Variants in FEZ1 observed in about 807,000 individuals in gnomAD.
The protein encoded by FEZ1 is fasciculation and elongation protein zeta 1, also known as fasciculation and elongation protein zeta-1.
In FEZ1, 20 loss-of-function variants were observed where a neutral mutation model predicts 49.3. The observed-to-expected ratio is 0.41, with a 90% CI of 0.29 to 0.59. The LOEUF is 0.59. Ranked by LOEUF, FEZ1 falls within the 20% of genes least tolerant of loss-of-function variation. FEZ1 has a pLI of 0.36. For missense variants in FEZ1, 413 were observed against 476.0 expected (o/e 0.87, Z 1.23); for synonymous variants, 170 against 180.9 (o/e 0.94, Z 0.48).
intron 5 of FEZ1, among the ~76,000 whole-genome samples, chr11:125,458,220 AC>A (rs1476744426): frequency 6.6e-6 from 1 of 151,978 alleles, no homozygotes; most frequent in Non-Finnish European, 1.5e-5. Flanking sequence ...TGACCTTTGA[AC>A]CCTGACCAAC....
Position 125,458,349 on chromosome 11 carries a change from G to A in FEZ1, c.667+2149C>T, listed in dbSNP as rs1033467399. Reference sequence around the variant, plus strand: ...TACCCTACGGCTGGTGAATTGTTCTGCCTTTGCTGTGTTACACTTTTTCAT... The same window carrying A: ...TACCCTACGGCTGGTGAATTGTTCTACCTTTGCTGTGTTACACTTTTTCAT... On this transcript the variant is annotated intron_variant, in intron 5 of 9. Coordinates refer to ENST00000278919, the MANE Select transcript of FEZ1 (RefSeq NM_005103.5). Among the ~76,000 whole-genome samples the A allele has an allele frequency of 2.1e-4, 32 of 152,166 alleles. 1 individual carries two copies. Among genetic ancestry groups the A allele is most frequent in the African/African-American group, 7.7e-4 (32 of 41,428 alleles).
intron 5 of FEZ1, among the ~76,000 whole-genome samples, chr11:125,459,126 C>G (rs996841386): frequency 7.2e-5 from 11 of 152,022 alleles, no homozygotes; most frequent in African/African-American, 2.7e-4. Flanking sequence ...TTGTTCTGAG[C>G]AGAGGGGCCT....
intron 3 of FEZ1, among the ~76,000 whole-genome samples, chr11:125,477,312 T>C (rs1022503309): frequency 2.8e-5 from 4 of 144,068 alleles, no homozygotes; most frequent in African/African-American, 1.0e-4. Flanking sequence ...CTGGCCAATA[T>C]GCAAAACCCT....
chr11:125,477,856 C>CAAAAAAAAAAAAAAA (rs11413508), intron 3 of FEZ1, among the ~76,000 whole-genome samples: 21 of 141,430 alleles, frequency 1.5e-4, no homozygotes, highest in African/African-American at 5.4e-4. Context: ...GAGCTTTATG[C>CAAAAAAAAAAAAAAA]AAAAAAAAAA....
chr11:125,484,477 A>G (rs1957309804), intron 2 of FEZ1, among the ~76,000 whole-genome samples: 1 of 152,208 alleles, frequency 6.6e-6, no homozygotes. Flanking sequence ...GTTCCTAATC[A>G]TAACCTAGGA....
intron 3 of FEZ1, among the ~76,000 whole-genome samples, chr11:125,481,222 T>C: frequency 6.6e-6 from 1 of 152,050 alleles, no homozygotes. Context: ...CAATAATTTT[T>C]TTTTTAATTG....
chr11:125,457,414 AAAAAAAAAAAAAAAAAT>A (rs1433120116), intron 5 of FEZ1, among the ~76,000 whole-genome samples: 2 of 39,818 alleles, frequency 5.0e-5, no homozygotes, highest in Non-Finnish European at 9.4e-5. Context: ...AAAAAAAAAA[AAAAAAAAAAAAAAAAAT>A]ATATATATAT....
In FEZ1 at chr11:125,466,512, G is replaced by A. The variant is rs78737922; in HGVS notation, c.412-2942C>T. Among the ~76,000 whole-genome samples the A allele has an allele frequency of 2.6e-5, 4 of 152,064 alleles. No homozygotes were observed. The East Asian group carries it at 7.7e-4, about 29-fold the overall frequency. On this transcript the variant is annotated intron_variant, in intron 3 of 9. Coordinates refer to ENST00000278919, the MANE Select transcript of FEZ1 (RefSeq NM_005103.5). ...TAAAAAAAAAAACACCTTGCTAGCT[G>A]TTTGGATACTATTGACGTGAACTAT... is the stretch of plus-strand genomic sequence containing the variant.
chr11:125,490,355 C>T (rs906713376), intron 1 of FEZ1, among the ~76,000 whole-genome samples: 15 of 152,002 alleles, frequency 9.9e-5, no homozygotes, highest in African/African-American at 2.7e-4. Context: ...TTAATTTATC[C>T]CATTTTGTGT....
At chr11:125,483,259 A>G (rs1354363579) in intron 2 of FEZ1, among the ~76,000 whole-genome samples, 1 of 152,204 alleles carries the variant, frequency 6.6e-6, no homozygotes, top group Non-Finnish European at 1.5e-5. Flanking sequence ...GGGTTTTAAA[A>G]GCAAAAAGAC....
intron 5 of FEZ1, among the ~76,000 whole-genome samples, chr11:125,457,676 G>A (rs1188533954): frequency 1.3e-5 from 2 of 151,624 alleles, no homozygotes; most frequent in Admixed American, 6.6e-5. Flanking sequence ...TGTTTATGGA[G>A]CACATGAGAT....
intron 2 of FEZ1, among the ~76,000 whole-genome samples, chr11:125,482,401 T>C (rs1957289632): frequency 6.6e-6 from 1 of 152,192 alleles, no homozygotes; most frequent in South Asian, 2.1e-4. Context: ...ACAATTTGTT[T>C]TTAGTGGGGA....
intron 3 of FEZ1, among the ~76,000 whole-genome samples, chr11:125,472,320 A>C (rs1440841914): frequency 6.6e-6 from 1 of 152,112 alleles, no homozygotes; most frequent in African/African-American, 2.4e-5. Context: ...GGTTCTCTGA[A>C]AAGATTAATA....
At position 125,484,128 on chromosome 11, in the gene FEZ1, CT is replaced by C. The variant is rs539185105; in HGVS notation, c.312-2496del. Among the ~76,000 whole-genome samples the C allele has an allele frequency of 1.2e-3, 184 of 152,292 alleles. 1 individual carries two copies. The highest frequency in any genetic ancestry group is 8.7e-3 in the Admixed American group (133 of 15,284). On this transcript the variant is annotated intron_variant, in intron 2 of 9. Transcript: ENST00000278919. Reference sequence around the variant, plus strand: ...TTCTCTTTATAATCAGTTGTATACCCTTTCCATACTTACCCAGTGCCCATTT... The same window carrying C: ...TTCTCTTTATAATCAGTTGTATACCCTTCCATACTTACCCAGTGCCCATTT...
intron 2 of FEZ1, among the ~76,000 whole-genome samples, chr11:125,485,051 G>A (rs983349233): frequency 6.6e-6 from 1 of 152,136 alleles, no homozygotes; most frequent in South Asian, 2.1e-4. Flanking sequence ...TTACTTCCCT[G>A]AGAAGCATCC....
chr11:125,471,112 C>A (rs1372330095), intron 3 of FEZ1, among the ~76,000 whole-genome samples: 1 of 152,044 alleles, frequency 6.6e-6, no homozygotes, highest in Non-Finnish European at 1.5e-5. Flanking sequence ...AAAAATCCAA[C>A]AGAAGACATA....
chr11:125,495,812 A>G lies in FEZ1; in HGVS notation c.-46+309T>C, dbSNP rs1957462214. ...CACACACACGCGGACACACACACAC[A>G]CACACACACACACACACACACACCA... is the stretch of plus-strand genomic sequence containing the variant. On this transcript the variant is annotated intron_variant, in intron 1 of 9. Transcript: ENST00000278919. The surrounding 1 kb of genome is among the most constrained non-coding windows in gnomAD (Gnocchi z 4.2). 1.4e-5 allele frequency: 3 copies of G among 218,776 alleles called. No individual in the cohort carries two copies. The highest frequency in any genetic ancestry group is 2.7e-5 in the Non-Finnish European group (3 of 112,292). 13.6% of individuals were successfully genotyped at this position (218,776 alleles called of 1,614,324 possible).
chr11:125,464,043 A>T (rs1157067146), intron 3 of FEZ1, among the ~76,000 whole-genome samples: 2 of 152,190 alleles, frequency 1.3e-5, no homozygotes, highest in African/African-American at 4.8e-5. Context: ...AATAATGATG[A>T]CTTTCAGAAT....
In FEZ1 at chr11:125,445,962, G is replaced by A. The variant is rs560624868; in HGVS notation, c.*133C>T. 2 of 925,154 alleles carry A rather than the reference G, an allele frequency of 2.2e-6. No homozygotes were observed. The highest frequency in any genetic ancestry group is 1.3e-5 in the South Asian group (1 of 76,968). The allele number at this position is 925,154 out of a possible 1,614,324, so 57.3% of individuals were successfully genotyped here. ...CAACGGCAAAGGACCCCGCGCGCTT[G>A]CTCGTGTTTAATCCAGGTTAAGCTA... is the stretch of plus-strand genomic sequence containing the variant. On this transcript the variant is annotated 3_prime_UTR_variant, in exon 10 of 10. Transcript: ENST00000278919. The surrounding 1 kb of genome is among the most constrained non-coding windows in gnomAD (Gnocchi z 4.4).
Sources: gnomAD v4.1 joint callset for allele counts (sites outside exome capture counted in the v4.1 genomes callset) on GRCh38, gnomAD v4.1.1 for gene constraint, Gnocchi (gnomAD v3.1) non-coding constraint, MANE v1.5 for transcripts, NCBI Gene and HGNC (gene_info 2026-07-23, HGNC 2026-07-21) for gene names.